Variants in CNKSR3 observed in about 807,000 individuals in gnomAD.
The protein encoded by CNKSR3 is CNKSR family member 3.
Under a neutral mutation model 67.7 loss-of-function variants are expected in CNKSR3, and 36 were observed. The observed-to-expected ratio is 0.53, with a 90% CI of 0.41 to 0.70. The LOEUF (loss-of-function observed/expected upper bound fraction) is 0.70. Among genes scored for constraint, CNKSR3 ranks in the 30% least tolerant of loss-of-function variants. CNKSR3 has a pLI of 0.00. For missense variants in CNKSR3, 630 were observed against 695.2 expected, an observed-to-expected ratio of 0.91 and a Z score of 1.05; for synonymous variants, 281 against 271.4, an observed-to-expected ratio of 1.04 and a Z score of -0.35.
chr6:154,404,600 G>A lies in CNKSR3; in HGVS notation c.*1754C>T, dbSNP rs567189630. The A allele has an allele frequency of 4.9e-4, 75 of 152,440 alleles. No homozygotes were observed. The highest frequency in any genetic ancestry group is 1.8e-3 in the African/African-American group (74 of 41,578). 9.4% of individuals were successfully genotyped at this position (152,440 alleles called of 1,614,324 possible). A position where few individuals can be genotyped will look rare whatever the true frequency, so the allele number is the denominator to read the frequency against. On this transcript the variant is annotated 3_prime_UTR_variant, in exon 13 of 13. Coordinates refer to ENST00000607772, the MANE Select transcript of CNKSR3 (RefSeq NM_173515.4). ...TAATCCCAGCACTTTGGGAGGCTGAGGCCGGCAGATCAGTTGAGGTTGGGA... is the reference window on the plus strand; with the variant it reads ...TAATCCCAGCACTTTGGGAGGCTGAAGCCGGCAGATCAGTTGAGGTTGGGA...
chr6:154,408,984 A>C (rs1351451801), intron 12 of CNKSR3, among the ~76,000 whole-genome samples: 1 of 152,186 alleles, frequency 6.6e-6, no homozygotes, highest in African/African-American at 2.4e-5. Context: ...GCTCAGATGA[A>C]CGGCAAGGAA....
Position 154,402,157 on chromosome 6 carries a change from A to C in CNKSR3, c.*4197T>G, listed in dbSNP as rs1340074981. On this transcript the variant is annotated 3_prime_UTR_variant, in exon 13 of 13. Transcript: ENST00000607772. ...ATGGTACCCTCCCCCACCTCCGCCC[A>C]AGAGGCAGTTCTGGAAATGTGAGCA... 1 of 152,190 alleles carries C rather than the reference A, an allele frequency of 6.6e-6. No individual in the cohort carries two copies. The highest frequency in any genetic ancestry group is 1.5e-5 in the Non-Finnish European group (1 of 68,052). 9.4% of individuals were successfully genotyped at this position (152,190 alleles called of 1,614,324 possible).
intron 6 of CNKSR3, among the ~76,000 whole-genome samples, chr6:154,428,688 A>AC (rs1785304044): frequency 6.7e-6 from 1 of 148,360 alleles, no homozygotes; most frequent in African/African-American, 2.5e-5. Context: ...CCAGCTAATT[A>AC]TTTTTTTTTT....
intron 1 of CNKSR3, among the ~76,000 whole-genome samples, chr6:154,464,522 C>A (rs1317299902): frequency 2.0e-5 from 3 of 151,926 alleles, no homozygotes; most frequent in African/African-American, 7.3e-5. Flanking sequence ...CGAGACCATC[C>A]TGGCCAACAT....
At chr6:154,507,829 A>G (rs528229684) in intron 1 of CNKSR3, among the ~76,000 whole-genome samples, 1 of 152,292 alleles carries the variant, frequency 6.6e-6, no homozygotes, top group African/African-American at 2.4e-5. Flanking sequence ...AACTCAACTA[A>G]CTGATAACGT....
chr6:154,423,109 A>C, intron 7 of CNKSR3, 126 bp from the exon 8 acceptor site: 1 of 629,340 alleles, frequency 1.6e-6, no homozygotes, highest in Non-Finnish European at 2.8e-6. Context: ...AAATAAAACA[A>C]TGCACTTTAT....
chr6:154,452,184 C>T lies in CNKSR3; in HGVS notation c.53-1926G>A, dbSNP rs564554745. ...GGCTCACGGAGGATACATAACCTGT[C>T]CACAGTCATACAGCTGGTCAGATGC... On this transcript the variant is annotated intron_variant, in intron 1 of 12. Coordinates refer to ENST00000607772, the MANE Select transcript of CNKSR3 (RefSeq NM_173515.4). Among the ~76,000 whole-genome samples, 3 of 152,306 alleles carry T rather than the reference C, an allele frequency of 2.0e-5. No homozygotes were observed. The South Asian group carries it at 6.2e-4, about 32-fold the overall frequency.
chr6:154,464,377 C>T (rs1786147201), intron 1 of CNKSR3, among the ~76,000 whole-genome samples: 1 of 152,204 alleles, frequency 6.6e-6, no homozygotes, highest in African/African-American at 2.4e-5. Flanking sequence ...AACATTCACA[C>T]TAACATACAA....
intron 1 of CNKSR3, among the ~76,000 whole-genome samples, chr6:154,464,821 G>C (rs1240648245): frequency 6.6e-6 from 1 of 152,090 alleles, no homozygotes; most frequent in Non-Finnish European, 1.5e-5. Context: ...TCATGGCATA[G>C]GAGGGAGAGA....
At chr6:154,467,538 C>G (rs746094066) in intron 1 of CNKSR3, among the ~76,000 whole-genome samples, 3 of 152,116 alleles carry the variant, frequency 2.0e-5, no homozygotes, top group African/African-American at 4.8e-5. Context: ...GTGACTTAAG[C>G]AAGAAGCATA....
At chr6:154,493,757 G>A (rs913014808) in intron 1 of CNKSR3, among the ~76,000 whole-genome samples, 3 of 152,048 alleles carry the variant, frequency 2.0e-5, no homozygotes, top group Non-Finnish European at 4.4e-5. Flanking sequence ...TGGCAGCAGC[G>A]AGGAGAGAGC....
chr6:154,445,600 C>T lies in CNKSR3; in HGVS notation c.217-3310G>A, dbSNP rs117978440. 6.2e-3 allele frequency among the ~76,000 whole-genome samples: 943 copies of T among 152,290 alleles called. 8 individuals are homozygous for T. Among genetic ancestry groups the T allele is most frequent in the Admixed American group, 0.01 (156 of 15,290 alleles). On this transcript the variant is annotated intron_variant, in intron 2 of 12. Coordinates refer to ENST00000607772, the MANE Select transcript of CNKSR3 (RefSeq NM_173515.4). ...TACTTGGAACTTTTATTACCATATA[C>T]ATAACGTTTACTTATTGAACTCAAA...
chr6:154,488,496 A>C (rs1487248469), intron 1 of CNKSR3, among the ~76,000 whole-genome samples: 1 of 152,246 alleles, frequency 6.6e-6, no homozygotes, highest in African/African-American at 2.4e-5. Flanking sequence ...TTACATATCA[A>C]GTTAAAGTTC....
At chr6:154,455,534 G>A (rs1785935035) in intron 1 of CNKSR3, among the ~76,000 whole-genome samples, 1 of 148,472 alleles carries the variant, frequency 6.7e-6, no homozygotes, top group African/African-American at 2.5e-5. Context: ...CAATTCTCCT[G>A]CCTCAGCCTC....
chr6:154,471,171 T>C (rs1051778972), intron 1 of CNKSR3, among the ~76,000 whole-genome samples: 1 of 152,248 alleles, frequency 6.6e-6, no homozygotes, highest in Admixed American at 6.5e-5. Context: ...CTGAGTGTCA[T>C]TTCTACTTAT....
intron 1 of CNKSR3, among the ~76,000 whole-genome samples, chr6:154,476,853 ATTAAAAATATCCAGGTC>A (rs1263071571): frequency 6.6e-6 from 1 of 152,252 alleles, no homozygotes; most frequent in African/African-American, 2.4e-5. Flanking sequence ...ACAGGGAAAA[ATTAAAAATATCCAGGTC>A]TTAAAAATAT....
rs1383414254 is a variant in CNKSR3, at chr6:154,391,598, T to G, written c.*14756A>C. 6.6e-6 allele frequency: 1 copy of G among 152,258 alleles called. No individual in the cohort carries two copies. Among genetic ancestry groups the G allele is most frequent in the Admixed American group, 6.5e-5 (1 of 15,284 alleles). The allele number at this position is 152,258 out of a possible 1,614,324, so 9.4% of individuals were successfully genotyped here. Reference sequence around the variant, plus strand: ...CATTCTGAGGTACTGGGGTTAGGACTTCAATATGTGAATTTGGAGAGAACG... The same window carrying G: ...CATTCTGAGGTACTGGGGTTAGGACGTCAATATGTGAATTTGGAGAGAACG... On this transcript the variant is annotated 3_prime_UTR_variant, in exon 13 of 13. Transcript: ENST00000607772.
intron 6 of CNKSR3, among the ~76,000 whole-genome samples, chr6:154,428,865 T>C (rs1213217884): frequency 6.6e-6 from 1 of 152,142 alleles, no homozygotes; most frequent in Non-Finnish European, 1.5e-5. Flanking sequence ...AGGGACACAA[T>C]ATATTCATTT....
intron 11 of CNKSR3, among the ~76,000 whole-genome samples, chr6:154,410,650 T>C (rs1784891575): frequency 6.6e-6 from 1 of 152,170 alleles, no homozygotes; most frequent in South Asian, 2.1e-4. Context: ...CCTGTGAGTC[T>C]ACAGAGCAAA....
Sources: gnomAD v4.1 joint callset for allele counts (sites outside exome capture counted in the v4.1 genomes callset) on GRCh38, gnomAD v4.1.1 for gene constraint, MANE v1.5 for transcripts, NCBI Gene and HGNC (gene_info 2026-07-23, HGNC 2026-07-21) for gene names.